KCNIP4: variants seen among roughly 807,000 people sequenced by gnomAD.
The protein encoded by KCNIP4 is Kv channel-interacting protein 4.
KCNIP4 carries 12 observed loss-of-function variants against 34.0 expected under a neutral mutation model. The ratio of observed to expected loss-of-function variants is 0.35; its 90% CI spans 0.23 to 0.57. The LOEUF (loss-of-function observed/expected upper bound fraction) is 0.57. Ranked by LOEUF, KCNIP4 falls within the 20% of genes least tolerant of loss-of-function variation. The pLI is 0.83. For synonymous variants in KCNIP4, 124 were observed against 102.2 expected (o/e 1.21, Z -1.29); for missense variants, 238 against 311.7 (o/e 0.76, Z 1.78).
chr4:21,097,588 G>A (rs1747575408), intron 1 of KCNIP4, among the ~76,000 whole-genome samples: 1 of 152,026 alleles, frequency 6.6e-6, no homozygotes, highest in South Asian at 2.1e-4. Context: ...TCTGCGATCA[G>A]TGATCTTTGA....
intron 1 of KCNIP4, among the ~76,000 whole-genome samples, chr4:21,891,390 T>A (rs986875585): frequency 3.3e-5 from 5 of 152,120 alleles, no homozygotes; most frequent in African/African-American, 1.2e-4. Flanking sequence ...GGATCCAGGG[T>A]CTATGGGTGA....
chr4:21,944,431 C>T (rs902356312), intron 1 of KCNIP4, among the ~76,000 whole-genome samples: 3 of 151,304 alleles, frequency 2.0e-5, no homozygotes, highest in Non-Finnish European at 4.4e-5. Flanking sequence ...GGCGGGTGCA[C>T]CCGTGATCCT....
intron 1 of KCNIP4, among the ~76,000 whole-genome samples, chr4:20,918,280 A>C (rs1560569301): frequency 1.3e-5 from 2 of 152,100 alleles, no homozygotes; most frequent in Non-Finnish European, 2.9e-5. Context: ...GCTGTTCAAC[A>C]TCTTACTCCT....
intron 1 of KCNIP4, among the ~76,000 whole-genome samples, chr4:21,140,310 G>C (rs959946561): frequency 6.6e-6 from 1 of 151,968 alleles, no homozygotes; most frequent in Non-Finnish European, 1.5e-5. Flanking sequence ...AGAATATTGA[G>C]AAGAACAAAA....
At chr4:21,692,198 T>G (rs1711735449) in intron 1 of KCNIP4, among the ~76,000 whole-genome samples, 1 of 152,204 alleles carries the variant, frequency 6.6e-6, no homozygotes, top group East Asian at 1.9e-4. Context: ...CCTGCAAGCT[T>G]ACCTACTATG....
chr4:21,925,037 G>A (rs1729156474), intron 1 of KCNIP4, among the ~76,000 whole-genome samples: 1 of 151,864 alleles, frequency 6.6e-6, no homozygotes, highest in Admixed American at 6.6e-5. Flanking sequence ...AGTCATACTT[G>A]ATTTCTGTCA....
chr4:21,820,864 G>A (rs1198724031), intron 1 of KCNIP4, among the ~76,000 whole-genome samples: 1 of 152,086 alleles, frequency 6.6e-6, no homozygotes, highest in Non-Finnish European at 1.5e-5. Context: ...ACATTGTACA[G>A]TCATTCTACT....
chr4:21,343,853 G>T (rs1717019483), intron 1 of KCNIP4, among the ~76,000 whole-genome samples: 1 of 152,016 alleles, frequency 6.6e-6, no homozygotes, highest in Non-Finnish European at 1.5e-5. Flanking sequence ...AGTTCCAAGG[G>T]CTTTCTCTGT....
At chr4:21,197,351 T>C (rs1247679807) in intron 1 of KCNIP4, among the ~76,000 whole-genome samples, 4 of 152,200 alleles carry the variant, frequency 2.6e-5, no homozygotes, top group East Asian at 1.9e-4. Flanking sequence ...TGAATGCATA[T>C]TATAACTTTT....
chr4:21,425,268 T>G (rs1275133177), intron 1 of KCNIP4, among the ~76,000 whole-genome samples: 2 of 152,200 alleles, frequency 1.3e-5, no homozygotes, highest in African/African-American at 2.4e-5. Flanking sequence ...TATGAGAGAT[T>G]AACAAAATAG....
chr4:20,744,240 C>A (rs556154183), intron 5 of KCNIP4, among the ~76,000 whole-genome samples: 2 of 152,258 alleles, frequency 1.3e-5, no homozygotes, highest in South Asian at 4.2e-4. Context: ...ACCATTTGAC[C>A]CAGCAATCCC....
At chr4:21,043,084 T>C (rs1742104084) in intron 1 of KCNIP4, among the ~76,000 whole-genome samples, 1 of 152,210 alleles carries the variant, frequency 6.6e-6, no homozygotes. Flanking sequence ...CCCTATTCTG[T>C]TACATTGTGC....
At chr4:21,244,849 A>C (rs2109059552) in intron 1 of KCNIP4, among the ~76,000 whole-genome samples, 1 of 152,354 alleles carries the variant, frequency 6.6e-6, no homozygotes, top group African/African-American at 2.4e-5. Flanking sequence ...ACATCTCATT[A>C]CTAATAAAGT....
intron 1 of KCNIP4, chr4:21,656,443 CA>C (rs1322776229): frequency 1.3e-5 from 2 of 152,178 alleles, no homozygotes; most frequent in African/African-American, 2.4e-5. Flanking sequence ...GTGCATAATT[CA>C]ACTGCTAACA....
chr4:21,344,130 A>G (rs1182465917), intron 1 of KCNIP4, among the ~76,000 whole-genome samples: 1 of 152,202 alleles, frequency 6.6e-6, no homozygotes, highest in Non-Finnish European at 1.5e-5. Context: ...CTATAAGTAC[A>G]GTCAATAAGA....
chr4:21,560,285 A>T (rs1035356438), intron 1 of KCNIP4, among the ~76,000 whole-genome samples: 4 of 152,070 alleles, frequency 2.6e-5, no homozygotes, highest in African/African-American at 9.7e-5. Context: ...TGATTTTCAG[A>T]TTATTGGATC....
intron 1 of KCNIP4, among the ~76,000 whole-genome samples, chr4:21,280,920 C>T (rs1367304038): frequency 6.6e-6 from 1 of 151,968 alleles, no homozygotes; most frequent in Non-Finnish European, 1.5e-5. Flanking sequence ...GATGTGAATG[C>T]TCCAGTCATT....
At chr4:21,058,717 A>G (rs1743638678) in intron 1 of KCNIP4, among the ~76,000 whole-genome samples, 1 of 152,156 alleles carries the variant, frequency 6.6e-6, no homozygotes, top group African/African-American at 2.4e-5. Flanking sequence ...TTAGTTACCC[A>G]AACTTTTTTC....
At chr4:21,258,172 T>C (rs1490351788) in intron 1 of KCNIP4, among the ~76,000 whole-genome samples, 2 of 152,186 alleles carry the variant, frequency 1.3e-5, no homozygotes, top group Non-Finnish European at 2.9e-5. Context: ...TAGCCCCACT[T>C]CACATACAAA....
Sources: gnomAD v4.1 joint callset for allele counts (sites outside exome capture counted in the v4.1 genomes callset) on GRCh38, gnomAD v4.1.1 for gene constraint, MANE v1.5 for transcripts, NCBI Gene and HGNC (gene_info 2026-07-23, HGNC 2026-07-21) for gene names.